The following SCAF8 variants were observed in gnomAD, a reference collection of about 807,000 sequenced individuals.
SCAF8 encodes the protein SR-related CTD associated factor 8.
Under a neutral mutation model 140.5 loss-of-function variants are expected in SCAF8, and 23 were observed. That is an observed-to-expected ratio of 0.16 (90% CI 0.12 to 0.23). The LOEUF (loss-of-function observed/expected upper bound fraction) is 0.23, where lower values mean the gene tolerates loss of function less well. SCAF8 is among the 10% of genes least tolerant of loss of function. SCAF8 has a pLI of 1.00. For missense variants in SCAF8, 1,397 were observed against 1,555.7 expected (o/e 0.90, Z 1.72); for synonymous variants, 575 against 528.9 (o/e 1.09, Z -1.20).
At chr6:154,751,290 G>C (rs746602368) in intron 1 of SCAF8, among the ~76,000 whole-genome samples, 1 of 151,194 alleles carries the variant, frequency 6.6e-6, no homozygotes, top group Non-Finnish European at 1.5e-5. Flanking sequence ...GTGCAATGGT[G>C]TGATCTCCGC....
chr6:154,828,783 A>C (rs1197372869), intron 18 of SCAF8, among the ~76,000 whole-genome samples: 1 of 152,206 alleles, frequency 6.6e-6, no homozygotes, highest in Non-Finnish European at 1.5e-5. Flanking sequence ...ACAAAACTAG[A>C]AAATGTGCAT....
At chr6:154,769,819 G>A (rs1195943778) in intron 1 of SCAF8, among the ~76,000 whole-genome samples, 1 of 152,050 alleles carries the variant, frequency 6.6e-6, no homozygotes, top group African/African-American at 2.4e-5. Flanking sequence ...TCTATTCTCT[G>A]CCAGACACTG....
chr6:154,774,116 A>G, intron 2 of SCAF8, 44 bp downstream of exon 2: 3 of 1,256,362 alleles, frequency 2.4e-6, no homozygotes, highest in East Asian at 2.3e-5. Flanking sequence ...AGAAAAAACT[A>G]TATTAATAGT....
Position 154,822,362 on chromosome 6 carries a change from G to T in SCAF8, c.1879G>T (p.Val627Phe), listed in dbSNP as rs1409059488. The T allele has an allele frequency of 6.2e-7, 1 of 1,613,688 alleles. No homozygotes were observed. Among genetic ancestry groups the T allele is most frequent in the African/African-American group, 1.3e-5 (1 of 75,016 alleles). The change falls in exon 16 of 20, where the codon GTC becomes TTC. Residue 627 changes from valine to phenylalanine, a missense_variant. Val to Phe is a conservative substitution (Grantham distance 50, BLOSUM62 -1). Transcript: ENST00000367178. The part of the protein sequence containing the change: ...SPTPVEKETV[V>F]TTQAEVFPPP... ...AACTCCAGTTGAAAAGGAGACAGTG[G>T]TCACAACCCAGGCAGAGGTTTTCCC...
chr6:154,735,124 CAA>C (rs539040149), intron 1 of SCAF8, among the ~76,000 whole-genome samples: 28 of 68,554 alleles, frequency 4.1e-4, no homozygotes, highest in Non-Finnish European at 4.0e-4. Context: ...ACTCTGTCTA[CAA>C]AAAAAAAAAA....
At chr6:154,757,146 G>A (rs1778987004) in intron 1 of SCAF8, among the ~76,000 whole-genome samples, 1 of 152,124 alleles carries the variant, frequency 6.6e-6, no homozygotes, top group South Asian at 2.1e-4. Context: ...ACAGGTGCAC[G>A]CCACTACGCC....
At chr6:154,749,921 A>G (rs1386810805) in intron 1 of SCAF8, among the ~76,000 whole-genome samples, 1 of 152,166 alleles carries the variant, frequency 6.6e-6, no homozygotes, top group Non-Finnish European at 1.5e-5. Flanking sequence ...TGAGGGGCTC[A>G]ATTAAAGTAA....
chr6:154,744,486 G>A (rs1223547707), intron 1 of SCAF8, among the ~76,000 whole-genome samples: 1 of 152,100 alleles, frequency 6.6e-6, no homozygotes, highest in Non-Finnish European at 1.5e-5. Context: ...CCATGTTTCC[G>A]TGGATCTTTA....
In SCAF8 at chr6:154,815,825, C is replaced by T. The variant is rs1778231678; in HGVS notation, c.1521+9C>T. ...AGATTGAATCCATTAATGCAAGTAT[C>T]AGTTCTTAATAATTTAAGGTTTTAA... is the stretch of plus-strand genomic sequence containing the variant. On this transcript the variant is annotated intron_variant, in intron 13 of 19. Transcript: ENST00000367178. 2.6e-6 allele frequency: 4 copies of T among 1,542,244 alleles called. No individual in the cohort carries two copies. Among genetic ancestry groups the T allele is most frequent in the Non-Finnish European group, 3.6e-6 (4 of 1,116,050 alleles).
intron 2 of SCAF8, among the ~76,000 whole-genome samples, chr6:154,775,949 T>A (rs1776904679): frequency 6.6e-6 from 1 of 152,170 alleles, no homozygotes; most frequent in African/African-American, 2.4e-5. Context: ...AGTTTCAGAC[T>A]TCATTCATAG....
Position 154,830,901 on chromosome 6 carries a change from AT to A in SCAF8, c.2141-16del. The A allele has an allele frequency of 6.3e-7, 1 of 1,586,528 alleles. No homozygotes were observed. The highest frequency in any genetic ancestry group is 8.6e-7 in the Non-Finnish European group (1 of 1,156,282). ...AATTGACTCATTAAATCTGAAATAT[AT>A]TTTTCTCCTCTTTAAACAGCTTTAG... On this transcript the variant is annotated intron_variant, in intron 18 of 19. Coordinates refer to ENST00000367178, the MANE Select transcript of SCAF8 (RefSeq NM_014892.5).
chr6:154,832,568 C>G lies in SCAF8; in HGVS notation c.2989C>G (p.Pro997Ala). The G allele has an allele frequency of 1.9e-6, 3 of 1,613,862 alleles. No individual in the cohort carries two copies. The South Asian group carries it at 3.3e-5, about 18-fold the overall frequency. The stretch of plus-strand genomic sequence containing the variant: ...ACAAAGCGTAGACAATGTTACTAAC[C>G]CAGAAAAAAGGATACCACTTGGGAA... ...GRQSVDNVTNPEKRIPLGNDN... is the reference protein window; with the variant it reads ...GRQSVDNVTNAEKRIPLGNDN... Residue 997 changes from proline to alanine, a missense_variant, in exon 20 of 20, where the codon CCA becomes GCA. This residue lies in a region of SCAF8 where 930 missense variants were observed against 874.6 expected (regional missense o/e 1.06). Coordinates refer to ENST00000367178, the MANE Select transcript of SCAF8 (RefSeq NM_014892.5).
chr6:154,754,538 A>C (rs529714878), intron 1 of SCAF8, among the ~76,000 whole-genome samples: 1 of 152,260 alleles, frequency 6.6e-6, no homozygotes, highest in African/African-American at 2.4e-5. Context: ...ATAAAACGAG[A>C]ATAGTAAATA....
intron 17 of SCAF8, 112 bp downstream of exon 17, chr6:154,824,490 G>A: frequency 1.0e-6 from 1 of 965,638 alleles, no homozygotes; most frequent in African/African-American, 1.6e-5. Context: ...AGCATGCATA[G>A]CCTTGTTAAA....
At chr6:154,736,420 A>G (rs1295533615) in intron 1 of SCAF8, among the ~76,000 whole-genome samples, 2 of 151,524 alleles carry the variant, frequency 1.3e-5, no homozygotes, top group African/African-American at 4.8e-5. Flanking sequence ...ACAGGCACCC[A>G]CCGCCATGCC....
chr6:154,821,303 T>C lies in SCAF8; in HGVS notation c.1792+970T>C, dbSNP rs980839055. On this transcript the variant is annotated intron_variant, in intron 15 of 19. Transcript: ENST00000367178. ...GTAGCCTGTTCTGTAAATAAAGTTT[T>C]ATTGAAACATAGCCATGCTCACTTG... 3.3e-5 allele frequency among the ~76,000 whole-genome samples: 5 copies of C among 152,276 alleles called. No individual in the cohort carries two copies. In the East Asian group the frequency reaches 9.6e-4, roughly 29 times the overall value.
intron 2 of SCAF8, among the ~76,000 whole-genome samples, chr6:154,775,200 C>T (rs926911605): frequency 6.6e-6 from 1 of 152,134 alleles, no homozygotes; most frequent in African/African-American, 2.4e-5. Flanking sequence ...TTGTTAGTAT[C>T]TTACATCAAT....
At chr6:154,803,308 G>C (rs1047867473) in intron 7 of SCAF8, among the ~76,000 whole-genome samples, 3 of 152,032 alleles carry the variant, frequency 2.0e-5, no homozygotes, top group African/African-American at 7.2e-5. Context: ...TTGAGTATTA[G>C]TGTTTATCCT....
At chr6:154,748,368 T>C (rs1253875704) in intron 1 of SCAF8, among the ~76,000 whole-genome samples, 1 of 152,220 alleles carries the variant, frequency 6.6e-6, no homozygotes, top group East Asian at 1.9e-4. Context: ...GTTGCTTATG[T>C]GGTTTTCTTA....
Sources: allele counts gnomAD v4.1 joint callset (sites outside exome capture counted in the v4.1 genomes callset), GRCh38; gene constraint gnomAD v4.1.1; regional missense constraint gnomAD v4.1.1; transcripts MANE v1.5; gene names NCBI Gene and HGNC (gene_info 2026-07-23, HGNC 2026-07-21).